Variants in UMAD1 observed in about 807,000 individuals in gnomAD.
The protein encoded by UMAD1 is UBAP1-MVB12-associated (UMA) domain containing 1, also known as UBAP1-MVB12-associated (UMA)-domain containing protein 1.
UMAD1 carries 8 observed loss-of-function variants against 6.1 expected under a neutral mutation model. The ratio of observed to expected loss-of-function variants is 1.30; its 90% CI spans 0.76 to 2.35. The LOEUF (loss-of-function observed/expected upper bound fraction) is 2.35. Ranked by LOEUF, UMAD1 falls within the 30% of genes most tolerant of loss-of-function variation. The pLI is 0.00. For synonymous variants in UMAD1, 56 were observed against 31.4 expected (o/e 1.78, Z -2.61); for missense variants, 130 against 78.4 (o/e 1.66, Z -2.49).
intron 3 of UMAD1, among the ~76,000 whole-genome samples, chr7:7,818,431 T>G (rs1783174285): frequency 6.6e-6 from 1 of 152,124 alleles, no homozygotes; most frequent in South Asian, 2.1e-4. Context: ...ACATCACTGA[T>G]CATCAGTGAA....
At chr7:7,818,316 T>G (rs150161163) in intron 3 of UMAD1, among the ~76,000 whole-genome samples, 1 of 152,212 alleles carries the variant, frequency 6.6e-6, no homozygotes, top group East Asian at 1.9e-4. Flanking sequence ...TATGGTCTTG[T>G]TCTTTTTTAT....
At chr7:7,654,300 T>TACC (rs1482219169) in intron 1 of UMAD1, among the ~76,000 whole-genome samples, 1 of 152,224 alleles carries the variant, frequency 6.6e-6, no homozygotes, top group Non-Finnish European at 1.5e-5. Context: ...TGAGGCCATC[T>TACC]GTATTCAGTG....
chr7:7,673,000 G>C (rs1779645353), intron 1 of UMAD1, among the ~76,000 whole-genome samples: 1 of 152,194 alleles, frequency 6.6e-6, no homozygotes, highest in African/African-American at 2.4e-5. Flanking sequence ...TGGTTAGCAA[G>C]ATCCTTCCAG....
chr7:7,860,996 C>T (rs1281967837), intron 3 of UMAD1, among the ~76,000 whole-genome samples: 1 of 151,998 alleles, frequency 6.6e-6, no homozygotes, highest in Non-Finnish European at 1.5e-5. Context: ...AATGACCAGA[C>T]ACAAAAGGAT....
At chr7:7,821,044 T>C (rs1051075426) in intron 3 of UMAD1, among the ~76,000 whole-genome samples, 1 of 152,214 alleles carries the variant, frequency 6.6e-6, no homozygotes, top group African/African-American at 2.4e-5. Flanking sequence ...CAATTCCTGT[T>C]TTTAGTGGTA....
At chr7:7,818,195 A>G (rs543513512) in intron 3 of UMAD1, among the ~76,000 whole-genome samples, 2 of 152,138 alleles carry the variant, frequency 1.3e-5, no homozygotes, top group African/African-American at 4.8e-5. Context: ...CTGTGTTCTC[A>G]TCATTTTAAC....
rs539157123 is a variant in UMAD1, at chr7:7,816,953, G to T, written c.156+15210G>T. ...ACTTGATGGCATCAGAGGCTCTTCA[G>T]CTGCCTGTAGGATAAAATCCAGTAA... On this transcript the variant is annotated intron_variant, in intron 3 of 3. Transcript: ENST00000682710. 2.6e-5 allele frequency among the ~76,000 whole-genome samples: 4 copies of T among 152,330 alleles called. No individual in the cohort carries two copies. In the South Asian group the frequency reaches 8.3e-4, roughly 32 times the overall value.
chr7:7,673,238 C>G (rs1359347757), intron 1 of UMAD1, 71 bp from the exon 2 acceptor site: 1 of 939,558 alleles, frequency 1.1e-6, no homozygotes, highest in Non-Finnish European at 1.7e-6. Context: ...TTATGCTGAA[C>G]TTTTTGCTAA....
chr7:7,669,759 G>C (rs960906501), intron 1 of UMAD1, among the ~76,000 whole-genome samples: 1 of 152,176 alleles, frequency 6.6e-6, no homozygotes, highest in Non-Finnish European at 1.5e-5. Flanking sequence ...ACACGAGGGT[G>C]ACTGATGCCT....
At chr7:7,783,222 G>A (rs183663291) in intron 2 of UMAD1, among the ~76,000 whole-genome samples, 64 of 152,330 alleles carry the variant, frequency 4.2e-4, no homozygotes, top group African/African-American at 1.4e-3. Flanking sequence ...AACTAGGTCA[G>A]ATCAATTACA....
chr7:7,760,948 T>C (rs892920192), intron 2 of UMAD1, among the ~76,000 whole-genome samples: 3 of 152,126 alleles, frequency 2.0e-5, no homozygotes, highest in African/African-American at 7.2e-5. Context: ...TTGGAAGCTA[T>C]TGCAAGATAC....
intron 2 of UMAD1, among the ~76,000 whole-genome samples, chr7:7,789,524 A>T (rs1478416199): frequency 6.6e-6 from 1 of 151,990 alleles, no homozygotes; most frequent in East Asian, 1.9e-4. Flanking sequence ...TTTTGAGTAT[A>T]TAGTTTATTT....
chr7:7,803,023 T>C, intron 3 of UMAD1, among the ~76,000 whole-genome samples: 1 of 152,218 alleles, frequency 6.6e-6, no homozygotes, highest in East Asian at 1.9e-4. Context: ...AACTGTGCAT[T>C]CATTCTTTCA....
At chr7:7,814,226 C>T (rs1329399810) in intron 3 of UMAD1, among the ~76,000 whole-genome samples, 5 of 152,106 alleles carry the variant, frequency 3.3e-5, no homozygotes, top group Non-Finnish European at 7.4e-5. Flanking sequence ...CTTTGTGATC[C>T]GCCTGCCTCA....
chr7:7,654,446 C>T (rs1378156333), intron 1 of UMAD1, among the ~76,000 whole-genome samples: 2 of 152,188 alleles, frequency 1.3e-5, no homozygotes, highest in Non-Finnish European at 2.9e-5. Flanking sequence ...CCTTCGGTAT[C>T]CCTAGGGGAT....
chr7:7,859,648 G>C (rs1168418572), intron 3 of UMAD1, among the ~76,000 whole-genome samples: 1 of 152,158 alleles, frequency 6.6e-6, no homozygotes, highest in Non-Finnish European at 1.5e-5. Flanking sequence ...AGGTCACACG[G>C]TTTAGGTAGA....
intron 3 of UMAD1, among the ~76,000 whole-genome samples, chr7:7,842,971 G>T (rs552788272): frequency 1.3e-5 from 2 of 152,136 alleles, no homozygotes; most frequent in African/African-American, 4.8e-5. Context: ...GAAGGGGGAC[G>T]CTGTGGGCCA....
chr7:7,737,221 C>A (rs1393397551), intron 2 of UMAD1, among the ~76,000 whole-genome samples: 2 of 152,228 alleles, frequency 1.3e-5, no homozygotes, highest in African/African-American at 4.8e-5. Flanking sequence ...CTGCCACTTG[C>A]CAGCTGAAAC....
intron 2 of UMAD1, among the ~76,000 whole-genome samples, chr7:7,725,884 A>T (rs764208639): frequency 1.3e-5 from 2 of 152,194 alleles, no homozygotes; most frequent in Non-Finnish European, 2.9e-5. Context: ...GTTCTGCATG[A>T]TATGCAGGCA....
Sources: allele counts gnomAD v4.1 joint callset (sites outside exome capture counted in the v4.1 genomes callset), GRCh38; gene constraint gnomAD v4.1.1; transcripts MANE v1.5; gene names NCBI Gene and HGNC (gene_info 2026-07-23, HGNC 2026-07-21).